Variants in NLRP6 observed in about 807,000 individuals in gnomAD.
NLRP6 encodes NLR family pyrin domain containing 6.
NLRP6 carries 55 observed loss-of-function variants against 70.9 expected under a neutral mutation model. The observed-to-expected ratio is 0.78, with a 90% CI of 0.62 to 0.97. The LOEUF (loss-of-function observed/expected upper bound fraction) is 0.97. Ranked by LOEUF, NLRP6 falls within the 50% of genes least tolerant of loss-of-function variation. The pLI, the probability that NLRP6 is intolerant of heterozygous loss-of-function variation, is 0.00. For missense variants in NLRP6, 1,241 were observed against 1,238.3 expected, an observed-to-expected ratio of 1.00 and a Z score of -0.03; for synonymous variants, 652 against 581.9, an observed-to-expected ratio of 1.12 and a Z score of -1.73.
intron 5 of NLRP6, among the ~76,000 whole-genome samples, chr11:283,041 C>G (rs1199745545): frequency 6.6e-6 from 1 of 152,166 alleles, no homozygotes; most frequent in Admixed American, 6.5e-5. Context: ...TGGAAAGCAG[C>G]TAAGCACACT....
chr11:280,135 A>T lies in NLRP6; in HGVS notation c.401A>T (p.Lys134Met). ...EHVLQLHARV[K>M]ERNARSVKIT... ...GTGCTGCAGCTGCACGCTCGGGTGA[A>T]GGAGAGGAACGCCCGCTCCGTGAAG... The change falls in exon 4 of 8, where the codon AAG becomes ATG. Residue 134 changes from lysine to methionine, a missense_variant. Transcript: ENST00000534750. 1 of 1,544,822 alleles carries T rather than the reference A, an allele frequency of 6.5e-7. No homozygotes were observed. The highest frequency in any genetic ancestry group is 2.1e-5 in the Admixed American group (1 of 48,422).
Position 279,536 on chromosome 11 carries a change from T to C in NLRP6, c.239T>C (p.Val80Ala). The C allele has an allele frequency of 6.9e-7, 1 of 1,448,668 alleles. No homozygotes were observed. Among genetic ancestry groups the C allele is most frequent in the African/African-American group, 1.5e-5 (1 of 66,938 alleles). 89.7% of individuals were successfully genotyped at this position (1,448,668 alleles called of 1,614,324 possible). The change falls in exon 2 of 8, where the codon GTG (valine) becomes GCG (alanine). Residue 80 changes from valine (V) to alanine (A), a missense_variant. Physicochemically the swap from Val to Ala is moderately conservative, Grantham distance 64. Transcript: ENST00000534750. Reference protein sequence around the residue: ...QFYGPEPALEVARKTLKRADA... With the variant: ...QFYGPEPALEAARKTLKRADA... ...TACGGCCCGGAGCCTGCCCTGGAGG[T>C]GGCCCGCAAGACCCTCAAGAGGGCG...
chr11:282,474 G>A (rs892681101), intron 4 of NLRP6, among the ~76,000 whole-genome samples: 1 of 152,180 alleles, frequency 6.6e-6, no homozygotes, highest in African/African-American at 2.4e-5. Context: ...AGAGGATGTG[G>A]GTGATACCGT....
chr11:280,715 C>G lies in NLRP6; in HGVS notation c.981C>G (p.Arg327=). 1.9e-6 allele frequency: 3 copies of G among 1,572,268 alleles called. No individual in the cohort carries two copies. Among genetic ancestry groups the G allele is most frequent in the Non-Finnish European group, 2.6e-6 (3 of 1,160,796 alleles). The change falls in exon 4 of 8, where the codon CGC becomes CGG. Residue 327 remains arginine (R), a synonymous_variant. Coordinates refer to ENST00000534750, the MANE Select transcript of NLRP6 (RefSeq NM_001276700.2). The part of the protein sequence containing the change: ...LPTALLLVTT[R]AAAPGRLQGR... ...CGGCCCTCCTGCTGGTGACCACGCG[C>G]GCCGCCGCCCCCGGGAGGCTGCAGG...
chr11:281,285 G>C lies in NLRP6; in HGVS notation c.1551G>C (p.Gly517=), dbSNP rs1273235932. The C allele has an allele frequency of 3.7e-6, 6 of 1,609,630 alleles. No individual in the cohort carries two copies. Among genetic ancestry groups the C allele is most frequent in the Non-Finnish European group, 5.1e-6 (6 of 1,177,668 alleles). The change falls in exon 4 of 8, where the codon GGG becomes GGC. Residue 517 remains glycine (G), a synonymous_variant. Transcript: ENST00000534750. ...AALSYLLEDG[G]VPRTAAGGVG... ...TGTCCTACCTGCTGGAGGACGGCGG[G>C]GTGCCCAGGACCGCGGCTGGCGGCG...
intron 5 of NLRP6, among the ~76,000 whole-genome samples, chr11:283,605 G>A (rs1156622888): frequency 1.3e-5 from 2 of 152,060 alleles, no homozygotes; most frequent in Non-Finnish European, 2.9e-5. Flanking sequence ...GAGCCACCGC[G>A]CCCGGCCACA....
chr11:280,339 G>T lies in NLRP6; in HGVS notation c.605G>T (p.Gly202Val). ...GRRPLTVVLQ[G>V]PAGIGKTMAA... ...CGGCCGCTGACCGTGGTGCTGCAGG[G>T]CCCGGCGGGCATCGGCAAGACCATG... is the stretch of plus-strand genomic sequence containing the variant. The change falls in exon 4 of 8, where the codon GGC becomes GTC. Residue 202 changes from glycine (G) to valine (V), a missense_variant. Physicochemically the swap from Gly to Val is moderately radical, Grantham distance 109. Coordinates refer to ENST00000534750, the MANE Select transcript of NLRP6 (RefSeq NM_001276700.2). The T allele has an allele frequency of 6.6e-7, 1 of 1,519,630 alleles. No individual in the cohort carries two copies. Among genetic ancestry groups the T allele is most frequent in the South Asian group, 1.2e-5 (1 of 81,136 alleles). 94.1% of individuals were successfully genotyped at this position (1,519,630 alleles called of 1,614,324 possible).
intron 7 of NLRP6, among the ~76,000 whole-genome samples, 190 bp downstream of exon 7, chr11:284,832 G>C (rs563442434): frequency 6.6e-6 from 1 of 152,136 alleles, no homozygotes; most frequent in African/African-American, 2.4e-5. Flanking sequence ...GCCACAGCTC[G>C]GGGCCTTGAC....
In NLRP6 at chr11:284,340, C is replaced by CG; in HGVS notation, c.2312dup (p.Leu772ThrfsTer6). 1 of 1,610,992 alleles carries CG rather than the reference C, an allele frequency of 6.2e-7. No individual in the cohort carries two copies. The highest frequency in any genetic ancestry group is 8.5e-7 in the Non-Finnish European group (1 of 1,179,276). On this transcript the variant is annotated frameshift_variant, in exon 6 of 8. Coordinates refer to ENST00000534750, the MANE Select transcript of NLRP6 (RefSeq NM_001276700.2). LOFTEE classifies it high-confidence loss of function. ...CTCCTCCACAACAGGCTCAGTGAGG[C>CG]GGGACTGCGTATGCTGAGTGAGGGC...
Position 285,361 on chromosome 11 carries a change from C to T in NLRP6, c.*57C>T, listed in dbSNP as rs1379047586. The T allele has an allele frequency of 8.3e-6, 13 of 1,559,898 alleles. No individual in the cohort carries two copies. The highest frequency in any genetic ancestry group is 2.7e-5 in the African/African-American group (2 of 73,682). On this transcript the variant is annotated 3_prime_UTR_variant, in exon 8 of 8. Coordinates refer to ENST00000534750, the MANE Select transcript of NLRP6 (RefSeq NM_001276700.2). ...CTAGTCAAAGTCCCTGTGGAGAGAA[C>T]GGCCCATTCCAAGGGCAGGAGGATA...
At position 281,283 on chromosome 11, in the gene NLRP6, G is replaced by C; in HGVS notation, c.1549G>C (p.Gly517Arg). ...AALSYLLEDGGVPRTAAGGVG... is the reference protein window; with the variant it reads ...AALSYLLEDGRVPRTAAGGVG... ...ACTGTCCTACCTGCTGGAGGACGGC[G>C]GGGTGCCCAGGACCGCGGCTGGCGG... The change falls in exon 4 of 8, where the codon GGG (glycine) becomes CGG (arginine). Residue 517 changes from glycine to arginine, a missense_variant. Coordinates refer to ENST00000534750, the MANE Select transcript of NLRP6 (RefSeq NM_001276700.2). 1.2e-6 allele frequency: 2 copies of C among 1,609,780 alleles called. No homozygotes were observed. The highest frequency in any genetic ancestry group is 1.7e-6 in the Non-Finnish European group (2 of 1,177,656).
chr11:283,242 C>T (rs1186172760), intron 5 of NLRP6, among the ~76,000 whole-genome samples: 1 of 152,060 alleles, frequency 6.6e-6, no homozygotes, highest in Non-Finnish European at 1.5e-5. Context: ...CCATTTCCTC[C>T]CCTGTGAAAT....
In NLRP6 at chr11:281,072, C is replaced by G; in HGVS notation, c.1338C>G (p.Cys446Trp). 7 of 1,612,686 alleles carry G rather than the reference C, an allele frequency of 4.3e-6. No individual in the cohort carries two copies. Among genetic ancestry groups the G allele is most frequent in the Non-Finnish European group, 5.9e-6 (7 of 1,179,756 alleles). Reference protein sequence around the residue: ...PRLQGDLRNLCRLAREGVLGR... With the variant: ...PRLQGDLRNLWRLAREGVLGR... ...TGCAGGGCGACCTGCGCAATCTGTG[C>G]CGCCTGGCCCGCGAGGGCGTCCTCG... The change falls in exon 4 of 8, where the codon TGC becomes TGG. Residue 446 changes from cysteine to tryptophan, a missense_variant. By Grantham distance (215) the Cys-to-Trp change is radical. Transcript: ENST00000534750.
Position 281,692 on chromosome 11 carries a change from G to T in NLRP6, c.1958G>T (p.Arg653Leu). ...ELALQRVRFC[R>L]MDVAVLSYCV... ...GCGCTGCAGCGAGTGCGCTTCTGCC[G>T]CATGGACGTGGCTGTTCTGAGCTAC... is the stretch of plus-strand genomic sequence containing the variant. The change falls in exon 4 of 8, where the codon CGC becomes CTC. Residue 653 changes from arginine to leucine, a missense_variant. Transcript: ENST00000534750. The T allele has an allele frequency of 6.2e-7, 1 of 1,613,440 alleles. No homozygotes were observed. Among genetic ancestry groups the T allele is most frequent in the Non-Finnish European group, 8.5e-7 (1 of 1,180,032 alleles).
At position 284,612 on chromosome 11, in the gene NLRP6, AG is replaced by A; in HGVS notation, c.2508del (p.Gln836HisfsTer17). The A allele has an allele frequency of 6.2e-7, 1 of 1,610,012 alleles. No individual in the cohort carries two copies. The highest frequency in any genetic ancestry group is 8.5e-7 in the Non-Finnish European group (1 of 1,179,636). On this transcript the variant is annotated frameshift_variant, in exon 7 of 8. Transcript: ENST00000534750. LOFTEE classifies it low-confidence loss of function (END_TRUNC). ...PMVTYLCAVL[Q>X]HQGCGLQTLS... The stretch of plus-strand genomic sequence containing the variant: ...GTGACCTACCTGTGTGCAGTCCTGC[AG>A]CACCAGGGATGCGGCCTGCAGACCC...
rs755205436 is a variant in NLRP6, at chr11:284,499, A to AG, written c.2397dup (p.Leu800AlafsTer105). ...GGGTACAGCTGCCTGACCCCCAGCGAGGGCTCCAGTACCTGGTGGGTATGC... is the reference window on the plus strand; with the variant it reads ...GGGTACAGCTGCCTGACCCCCAGCGAGGGGCTCCAGTACCTGGTGGGTATGC... On this transcript the variant is annotated frameshift_variant, in exon 7 of 8. Coordinates refer to ENST00000534750, the MANE Select transcript of NLRP6 (RefSeq NM_001276700.2). LOFTEE classifies it high-confidence loss of function. 3 of 1,612,982 alleles carry AG rather than the reference A, an allele frequency of 1.9e-6. No homozygotes were observed. Among genetic ancestry groups the AG allele is most frequent in the Non-Finnish European group, 2.5e-6 (3 of 1,179,812 alleles).
chr11:285,298 C>A lies in NLRP6; in HGVS notation c.2670C>A (p.Thr890=), dbSNP rs368470202. ...HPQPPKELIS[T]F ...AACCTCCCAAGGAACTCATCTCGACCTTCTGAGGCTCTGGTGGCCAGAGCA... is the reference window on the plus strand; with the variant it reads ...AACCTCCCAAGGAACTCATCTCGACATTCTGAGGCTCTGGTGGCCAGAGCA... The change falls in exon 8 of 8, where the codon ACC becomes ACA. Residue 890 remains threonine, a synonymous_variant. Coordinates refer to ENST00000534750, the MANE Select transcript of NLRP6 (RefSeq NM_001276700.2). 2.2e-5 allele frequency: 35 copies of A among 1,608,470 alleles called. No homozygotes were observed. The highest frequency in any genetic ancestry group is 2.8e-5 in the Non-Finnish European group (33 of 1,177,280).
At chr11:281,966 A>AGCCAG in intron 4 of NLRP6, 127 bp downstream of exon 4, 1 of 807,080 alleles carries the variant, frequency 1.2e-6, no homozygotes, top group Non-Finnish European at 1.9e-6. Flanking sequence ...CCAGATGGGG[A>AGCCAG]GGCTTTGACC....
chr11:280,861 A>G lies in NLRP6; in HGVS notation c.1127A>G (p.Lys376Arg), dbSNP rs1845463862. 1 of 1,613,476 alleles carries G rather than the reference A, an allele frequency of 6.2e-7. No homozygotes were observed. Among genetic ancestry groups the G allele is most frequent in the Non-Finnish European group, 8.5e-7 (1 of 1,179,992 alleles). ...GCCGAGCGCGCCTACCGCTTCGTGA[A>G]GGAGAACGAGACGCTGTTCGCGCTG... is the stretch of plus-strand genomic sequence containing the variant. ...RRAERAYRFV[K>R]ENETLFALCF... Residue 376 changes from lysine (K) to arginine (R), a missense_variant, in exon 4 of 8, where the codon AAG (lysine) becomes AGG (arginine). Lys to Arg is a conservative substitution (Grantham distance 26). Transcript: ENST00000534750.
Sources: gnomAD v4.1 joint callset for allele counts (sites outside exome capture counted in the v4.1 genomes callset) on GRCh38, gnomAD v4.1.1 for gene constraint, MANE v1.5 for transcripts, NCBI Gene and HGNC (gene_info 2026-07-23, HGNC 2026-07-21) for gene names.